The following STMN1 variants were observed in gnomAD, a reference collection of about 807,000 sequenced individuals.
STMN1 encodes the protein stathmin.
A neutral mutation model predicts 19.7 loss-of-function variants in STMN1; 3 were observed. The ratio of observed to expected loss-of-function variants is 0.15; its 90% CI spans 0.07 to 0.39. STMN1 has a LOEUF of 0.39. Among genes scored for constraint, STMN1 ranks in the 10% least tolerant of loss-of-function variants. The probability of loss-of-function intolerance (pLI) is 1.00; values close to 1 mark genes in which losing one functional copy is unlikely to be tolerated. For synonymous variants in STMN1, 59 were observed against 58.9 expected (o/e 1.00, Z -0.01); for missense variants, 99 against 176.0 (o/e 0.56, Z 2.48).
intron 3 of STMN1, chr1:25,902,198 C>A (rs1415276007): frequency 6.6e-6 from 1 of 152,128 alleles, no homozygotes; most frequent in Non-Finnish European, 1.5e-5. Flanking sequence ...AAGTGCTTAT[C>A]TGTTCAGAAA....
At chr1:25,885,672 C>A (rs1215084954) in exon 5 of STMN1, 1 of 1,503,388 alleles carries the variant, frequency 6.7e-7, no homozygotes, top group Non-Finnish European at 8.9e-7. Context: ...CCAGACTGTT[C>A]ATCAGTCTCA....
chr1:25,901,243 A>G (rs2048870389), intron 4 of STMN1, among the ~76,000 whole-genome samples, 156 bp from the exon 5 acceptor site: 4 of 152,086 alleles, frequency 2.6e-5, no homozygotes, highest in Admixed American at 6.6e-5. Flanking sequence ...GTTCTGAGAC[A>G]TCATCATCAA....
In STMN1 at chr1:25,889,120, A is replaced by G. The variant is rs2048750304; in HGVS notation, c.379-3251T>C. The G allele has an allele frequency of 6.5e-6, 3 of 459,512 alleles. No individual in the cohort carries two copies. In the Admixed American group the frequency reaches 7.4e-5, roughly 11 times the overall value. The allele number at this position is 459,512 out of a possible 1,614,324, so 28.5% of individuals were successfully genotyped here. A position where few individuals can be genotyped will look rare whatever the true frequency, so the allele number is the denominator to read the frequency against. The stretch of plus-strand genomic sequence containing the variant: ...AAGCTGGGTCTATAAGGAATTCCAC[A>G]TGAGATGGCACACACATTTATGCTG... On this transcript the variant is annotated intron_variant, in intron 4 of 4. Coordinates refer to the STMN1 transcript ENST00000426559.
At chr1:25,890,752 A>G (rs977769261) in intron 4 of STMN1, among the ~76,000 whole-genome samples, 6 of 152,214 alleles carry the variant, frequency 3.9e-5, no homozygotes, top group African/African-American at 1.2e-4. Flanking sequence ...CACACCCAGC[A>G]GCCCAGGAGA....
chr1:25,897,139 C>A (rs573376556), downstream of STMN1, among the ~76,000 whole-genome samples: 1 of 151,948 alleles, frequency 6.6e-6, no homozygotes, highest in African/African-American at 2.4e-5. Context: ...GTGGTGAAAC[C>A]CTGTCTCTAC....
At chr1:25,895,503 G>C (rs932821233), downstream of STMN1, among the ~76,000 whole-genome samples, 1 of 152,202 alleles carries the variant, frequency 6.6e-6, no homozygotes, top group Admixed American at 6.5e-5. Flanking sequence ...CCTCCAGCAG[G>C]GGCAGGGCGG....
downstream of STMN1, chr1:25,885,220 C>T (rs1317579257): frequency 6.5e-6 from 1 of 153,858 alleles, no homozygotes; most frequent in Non-Finnish European, 1.5e-5. Flanking sequence ...AAAACTCCCA[C>T]CAGGGACCTT....
At chr1:25,892,165 G>A (rs575399075) in intron 4 of STMN1, among the ~76,000 whole-genome samples, 2 of 152,350 alleles carry the variant, frequency 1.3e-5, no homozygotes, top group African/African-American at 2.4e-5. Context: ...CGAGGTGGGC[G>A]AATCACCTGA....
At position 25,900,544 on chromosome 1, in the gene STMN1, A is replaced by T. The variant is rs2048859935; in HGVS notation, c.*472T>A. On this transcript the variant is annotated 3_prime_UTR_variant, in exon 5 of 5. Transcript: ENST00000455785. ...GCTCTATGGCTTGATTTATTAACCT[A>T]ACTCAAAAGAAGTCACTGCCACCAA... 1 of 986,018 alleles carries T rather than the reference A, an allele frequency of 1.0e-6. No individual in the cohort carries two copies. Among genetic ancestry groups the T allele is most frequent in the African/African-American group, 1.7e-5 (1 of 57,234 alleles). 61.1% of individuals were successfully genotyped at this position (986,018 alleles called of 1,614,324 possible). A position where few individuals can be genotyped will look rare whatever the true frequency, so the allele number is the denominator to read the frequency against.
At chr1:25,890,409 T>C (rs1012953148) in intron 4 of STMN1, among the ~76,000 whole-genome samples, 3 of 152,146 alleles carry the variant, frequency 2.0e-5, no homozygotes, top group African/African-American at 7.2e-5. Flanking sequence ...AAGGCAGCTG[T>C]TCCATAACCC....
intron 4 of STMN1, among the ~76,000 whole-genome samples, chr1:25,894,360 G>A (rs2048800942): frequency 6.6e-6 from 1 of 152,006 alleles, no homozygotes; most frequent in South Asian, 2.1e-4. Flanking sequence ...CTCTGCCTAG[G>A]TGAGCAACAG....
At chr1:25,885,582 G>A in exon 5 of STMN1, 1 of 1,113,678 alleles carries the variant, frequency 9.0e-7, no homozygotes, top group Non-Finnish European at 1.2e-6. Flanking sequence ...GACACAGCAA[G>A]CAGAACTGGC....
intron 1 of STMN1, chr1:25,905,084 C>G (rs2048922390): frequency 5.3e-6 from 1 of 189,198 alleles, no homozygotes; most frequent in Admixed American, 5.9e-5. Flanking sequence ...TTCAACTCAA[C>G]AGTGCCCCCG....
At chr1:25,904,413 A>G (rs973091972) in intron 2 of STMN1, among the ~76,000 whole-genome samples, 1 of 152,250 alleles carries the variant, frequency 6.6e-6, no homozygotes, top group Non-Finnish European at 1.5e-5. Context: ...GTATCTGACA[A>G]TCGCTTTCAT....
upstream of STMN1, chr1:25,906,669 G>A (rs1191739525): frequency 6.6e-6 from 1 of 152,596 alleles, no homozygotes; most frequent in Admixed American, 6.5e-5. This position sits in a 1 kb window ranked among gnomAD's most constrained non-coding sequence, Gnocchi z 4.5. Flanking sequence ...GACTAGGGGG[G>A]TGGTCTCGCC....
chr1:25,904,403 G>A (rs1286966864), intron 2 of STMN1, among the ~76,000 whole-genome samples: 2 of 152,230 alleles, frequency 1.3e-5, no homozygotes, highest in South Asian at 2.1e-4. Flanking sequence ...TGAGACATCA[G>A]TATCTGACAA....
At chr1:25,891,798 A>AC (rs571389112) in intron 4 of STMN1, among the ~76,000 whole-genome samples, 175 of 151,654 alleles carry the variant, frequency 1.2e-3, no homozygotes, top group Admixed American at 9.6e-3. Flanking sequence ...GCACCCCGCC[A>AC]CCCCCCACCA....
downstream of STMN1, among the ~76,000 whole-genome samples, chr1:25,896,416 G>C (rs1235431269): frequency 6.6e-6 from 1 of 152,170 alleles, no homozygotes; most frequent in Non-Finnish European, 1.5e-5. Flanking sequence ...GGAGGCCACA[G>C]GGATTGGAAG....
chr1:25,887,819 T>C (rs2048737384), intron 4 of STMN1, among the ~76,000 whole-genome samples: 1 of 152,200 alleles, frequency 6.6e-6, no homozygotes, highest in South Asian at 2.1e-4. Flanking sequence ...CCTGAGTAGC[T>C]GGGACTACAG....
Sources: gnomAD v4.1 joint callset for allele counts (sites outside exome capture counted in the v4.1 genomes callset) on GRCh38, gnomAD v4.1.1 for gene constraint, Gnocchi (gnomAD v3.1) non-coding constraint, MANE v1.5 for transcripts, NCBI Gene and HGNC (gene_info 2026-07-23, HGNC 2026-07-21) for gene names.